PTPRZ1: variants seen among roughly 807,000 people sequenced by gnomAD.
The protein encoded by PTPRZ1 is protein tyrosine phosphatase receptor type Z1.
A neutral mutation model predicts 214.1 loss-of-function variants in PTPRZ1; 82 were observed. The ratio of observed to expected loss-of-function variants is 0.38; its 90% CI spans 0.32 to 0.46. The LOEUF (loss-of-function observed/expected upper bound fraction) is 0.46. PTPRZ1 is among the 20% of genes least tolerant of loss of function. The pLI is 1.00. For synonymous variants in PTPRZ1, 945 were observed against 987.9 expected, an observed-to-expected ratio of 0.96 and a Z score of 0.81; for missense variants, 2,603 against 2,748.7, an observed-to-expected ratio of 0.95 and a Z score of 1.19.
At chr7:121,873,668 A>G (rs2116117932) in intron 1 of PTPRZ1, 111 bp downstream of exon 1, 1 of 1,324,636 alleles carries the variant, frequency 7.5e-7, no homozygotes, top group Non-Finnish European at 1.1e-6. Flanking sequence ...AGCCAGGAGG[A>G]AAAAGGGACA....
chr7:122,045,223 A>G (rs1177706513), intron 23 of PTPRZ1, among the ~76,000 whole-genome samples: 1 of 152,148 alleles, frequency 6.6e-6, no homozygotes, highest in Non-Finnish European at 1.5e-5. Context: ...TTCCACAGGA[A>G]TGGGGGCTAT....
chr7:121,985,377 C>A (rs1027270129), intron 8 of PTPRZ1, among the ~76,000 whole-genome samples: 2 of 152,152 alleles, frequency 1.3e-5, no homozygotes, highest in Non-Finnish European at 2.9e-5. Flanking sequence ...TTTATCAATT[C>A]TGTTTTATTA....
Position 121,891,451 on chromosome 7 carries a change from C to CTTTTTTTTTTTTTT in PTPRZ1, c.58+17911_58+17924dup, listed in dbSNP as rs58135453. Among the ~76,000 whole-genome samples, 143 of 35,752 alleles carry CTTTTTTTTTTTTTT rather than the reference C, an allele frequency of 4.0e-3. 5 individuals carry two copies. The highest frequency in any genetic ancestry group is 6.4e-3 in the South Asian group (4 of 626). The allele number at this position is 35,752 out of a possible 152,430, so 23.5% of individuals were successfully genotyped here. ...AAATATTTGTTGAATAAAACAACCT[C>CTTTTTTTTTTTTTT]TTTTTTTTTTTTTTTTTTTTTTTTT... is the stretch of plus-strand genomic sequence containing the variant. On this transcript the variant is annotated intron_variant, in intron 1 of 29. Coordinates refer to ENST00000393386, the MANE Select transcript of PTPRZ1 (RefSeq NM_002851.3).
At chr7:121,950,755 G>A (rs1796522689) in intron 2 of PTPRZ1, among the ~76,000 whole-genome samples, 1 of 152,102 alleles carries the variant, frequency 6.6e-6, no homozygotes, top group Non-Finnish European at 1.5e-5. Context: ...TTAGCCCTTA[G>A]TCTCACTGAA....
In PTPRZ1 at chr7:121,900,967, A is replaced by G. The variant is rs1426700463; in HGVS notation, c.59-27189A>G. Among the ~76,000 whole-genome samples the G allele has an allele frequency of 2.0e-5, 3 of 152,176 alleles. No homozygotes were observed. In the South Asian group the frequency reaches 6.2e-4, roughly 31 times the overall value. On this transcript the variant is annotated intron_variant, in intron 1 of 29. Coordinates refer to ENST00000393386, the MANE Select transcript of PTPRZ1 (RefSeq NM_002851.3). ...CTTATTATATCCATTTTACAAATGA[A>G]ATAAGGCATAGGGAGGTCATATAAC...
intron 2 of PTPRZ1, among the ~76,000 whole-genome samples, chr7:121,928,635 A>G (rs1198795592): frequency 6.6e-6 from 1 of 152,180 alleles, no homozygotes; most frequent in African/African-American, 2.4e-5. Flanking sequence ...AGTTGTTATG[A>G]TCATGCTAAT....
chr7:121,957,966 G>C (rs1038344394), intron 2 of PTPRZ1, among the ~76,000 whole-genome samples: 4 of 151,924 alleles, frequency 2.6e-5, no homozygotes, highest in Non-Finnish European at 5.9e-5. Context: ...TCTCTTTTGG[G>C]ATATTTGATC....
intron 2 of PTPRZ1, among the ~76,000 whole-genome samples, chr7:121,955,086 A>G (rs1438289755): frequency 6.6e-6 from 1 of 152,252 alleles, no homozygotes; most frequent in Non-Finnish European, 1.5e-5. Context: ...CCATGAATAG[A>G]AGGATACCAG....
intron 2 of PTPRZ1, among the ~76,000 whole-genome samples, chr7:121,937,814 T>G (rs2116409179): frequency 6.6e-6 from 1 of 152,274 alleles, no homozygotes; most frequent in South Asian, 2.1e-4. Flanking sequence ...CTGAGGAGAC[T>G]TAGTGTGATA....
intron 10 of PTPRZ1, among the ~76,000 whole-genome samples, chr7:122,001,784 G>A (rs1339074388): frequency 2.0e-5 from 3 of 152,040 alleles, no homozygotes; most frequent in African/African-American, 7.3e-5. Context: ...AAACCAGAAT[G>A]AGTCAACAGT....
At chr7:121,908,585 G>A (rs1042319991) in intron 1 of PTPRZ1, 15 of 349,990 alleles carry the variant, frequency 4.3e-5, no homozygotes, top group East Asian at 1.6e-4. Context: ...TATCTTTTAC[G>A]TCTGTAATGT....
At chr7:121,998,037 A>T (rs374578626) in intron 10 of PTPRZ1, 31 bp downstream of exon 10, 1 of 1,595,566 alleles carries the variant, frequency 6.3e-7, no homozygotes, top group African/African-American at 1.3e-5. Flanking sequence ...CTATATATTA[A>T]CTCAATAAAT....
At chr7:122,059,227 T>G (rs1792482737) in intron 28 of PTPRZ1, 2 of 202,290 alleles carry the variant, frequency 9.9e-6, no homozygotes, top group Admixed American at 6.0e-5. Flanking sequence ...AGCAGTGAAA[T>G]TTTCAGGAGC....
chr7:121,901,855 A>G (rs1308496125), intron 1 of PTPRZ1, among the ~76,000 whole-genome samples: 1 of 152,198 alleles, frequency 6.6e-6, no homozygotes, highest in Non-Finnish European at 1.5e-5. Context: ...CTTTGTGGCA[A>G]AAACATTAAA....
intron 10 of PTPRZ1, among the ~76,000 whole-genome samples, chr7:122,000,120 A>G (rs1798273391): frequency 6.6e-6 from 1 of 152,072 alleles, no homozygotes. Flanking sequence ...ATTATTCCCT[A>G]TTATTTCTAC....
intron 14 of PTPRZ1, among the ~76,000 whole-genome samples, chr7:122,030,781 A>C (rs1195011807): frequency 6.6e-6 from 1 of 151,994 alleles, no homozygotes; most frequent in Non-Finnish European, 1.5e-5. Flanking sequence ...AAGTCTTTCC[A>C]GGAAAAGAAA....
intron 2 of PTPRZ1, among the ~76,000 whole-genome samples, chr7:121,952,674 T>C (rs1796592728): frequency 6.6e-6 from 1 of 152,222 alleles, no homozygotes. Context: ...AGTTTAATAA[T>C]TTACTTTGAG....
chr7:122,056,281 T>C (rs941045175), intron 27 of PTPRZ1, among the ~76,000 whole-genome samples: 3 of 151,848 alleles, frequency 2.0e-5, no homozygotes, highest in Admixed American at 1.3e-4. Flanking sequence ...TGCTCAGCAC[T>C]GGGAAATTAG....
intron 29 of PTPRZ1, 22 bp downstream of exon 29, chr7:122,059,910 G>A (rs752087550): frequency 1.6e-5 from 25 of 1,601,396 alleles, no homozygotes; most frequent in South Asian, 2.3e-5. Context: ...GGCAGTGAAC[G>A]AAATTTTTCA....
Sources: allele counts gnomAD v4.1 joint callset (sites outside exome capture counted in the v4.1 genomes callset), GRCh38; gene constraint gnomAD v4.1.1; transcripts MANE v1.5; gene names NCBI Gene and HGNC (gene_info 2026-07-23, HGNC 2026-07-21).